Variants in PPP4R4 observed in about 807,000 individuals in gnomAD.
PPP4R4 encodes serine/threonine-protein phosphatase 4 regulatory subunit 4.
Under a neutral mutation model 121.8 loss-of-function variants are expected in PPP4R4, and 70 were observed. The observed-to-expected ratio is 0.57, with a 90% CI of 0.47 to 0.70. The LOEUF (loss-of-function observed/expected upper bound fraction) is 0.70, where lower values mean the gene tolerates loss of function less well. Among genes scored for constraint, PPP4R4 ranks in the 30% least tolerant of loss-of-function variants. The pLI, the probability that PPP4R4 is intolerant of heterozygous loss-of-function variation, is 0.00. For missense variants in PPP4R4, 875 were observed against 1,033.6 expected, an observed-to-expected ratio of 0.85 and a Z score of 2.10; for synonymous variants, 348 against 355.7, an observed-to-expected ratio of 0.98 and a Z score of 0.24.
intron 15 of PPP4R4, 134 bp from the exon 16 acceptor site, chr14:94,251,614 TC>T (rs1210727832): frequency 1.7e-6 from 1 of 595,482 alleles, no homozygotes; most frequent in African/African-American, 1.9e-5. Flanking sequence ...ATGATATTTT[TC>T]CTCTTATGTC....
intron 3 of PPP4R4, among the ~76,000 whole-genome samples, chr14:94,218,422 G>GCA (rs1192437104): frequency 2.5e-4 from 27 of 107,860 alleles, no homozygotes; most frequent in African/African-American, 6.9e-4. Context: ...CCTAGACACC[G>GCA]CACGCGCGCG....
At chr14:94,185,891 C>T (rs1420399602) in intron 2 of PPP4R4, among the ~76,000 whole-genome samples, 2 of 152,100 alleles carry the variant, frequency 1.3e-5, no homozygotes, top group Non-Finnish European at 2.9e-5. Context: ...GTAACTAGCA[C>T]AAAATATAGA....
rs753504389 is a variant in PPP4R4, at chr14:94,233,742, C to T, written c.606C>T (p.Asn202=). 2 of 1,575,186 alleles carry T rather than the reference C, an allele frequency of 1.3e-6. No homozygotes were observed. The highest frequency in any genetic ancestry group is 1.7e-6 in the Non-Finnish European group (2 of 1,146,854). The change falls in exon 6 of 25, where the codon AAC becomes AAT. Residue 202 remains asparagine, a synonymous_variant. Coordinates refer to ENST00000304338, the MANE Select transcript of PPP4R4 (RefSeq NM_058237.2). Reference sequence around the variant, plus strand: ...GTAAAATTTTAGGAAAATTGACCAACAAATTTGATGCCCACACGTGAGTAT... The same window carrying T: ...GTAAAATTTTAGGAAAATTGACCAATAAATTTGATGCCCACACGTGAGTAT... ...VSCKILGKLT[N]KFDAHTIKRE... is the part of the protein sequence containing the mutation.
chr14:94,219,306 C>T lies in PPP4R4; in HGVS notation c.294+10740C>T, dbSNP rs192768099. On this transcript the variant is annotated intron_variant, in intron 3 of 24. Transcript: ENST00000304338. ...GGCCAGGTTGGTCTTGAACTCCTGACCTCGGGTGATCTGCCCCCAAAAGTG... is the reference window on the plus strand; with the variant it reads ...GGCCAGGTTGGTCTTGAACTCCTGATCTCGGGTGATCTGCCCCCAAAAGTG... Among the ~76,000 whole-genome samples the T allele has an allele frequency of 5.4e-4, 82 of 152,054 alleles. 1 individual carries two copies. The highest frequency in any genetic ancestry group is 1.9e-3 in the African/African-American group (78 of 41,476).
intron 2 of PPP4R4, among the ~76,000 whole-genome samples, chr14:94,203,932 G>A (rs576224801): frequency 2.0e-5 from 3 of 152,132 alleles, no homozygotes; most frequent in Admixed American, 1.3e-4. Flanking sequence ...ATATGGTCTC[G>A]ACACTAGCCC....
At chr14:94,240,563 G>A in intron 8 of PPP4R4, 110 bp from the exon 9 acceptor site, 3 of 1,194,466 alleles carry the variant, frequency 2.5e-6, no homozygotes, top group Non-Finnish European at 3.4e-6. Context: ...CTATTACTAT[G>A]AGGCTAACAT....
At chr14:94,228,906 A>G (rs1891865517) in intron 3 of PPP4R4, among the ~76,000 whole-genome samples, 1 of 152,156 alleles carries the variant, frequency 6.6e-6, no homozygotes, top group African/African-American at 2.4e-5. Flanking sequence ...TAAGGAGGTG[A>G]CTTTCAGCTC....
At chr14:94,207,513 G>A (rs1436893847) in intron 2 of PPP4R4, among the ~76,000 whole-genome samples, 1 of 151,294 alleles carries the variant, frequency 6.6e-6, no homozygotes, top group Non-Finnish European at 1.5e-5. Flanking sequence ...TGTAAAACAT[G>A]TATTAAAGTC....
intron 2 of PPP4R4, among the ~76,000 whole-genome samples, chr14:94,178,220 T>A (rs1001426190): frequency 2.0e-5 from 3 of 152,168 alleles, no homozygotes; most frequent in Admixed American, 1.3e-4. Context: ...TAGATGTAAT[T>A]TATTCCTTTT....
chr14:94,257,563 T>C (rs1488154357), intron 17 of PPP4R4, among the ~76,000 whole-genome samples: 1 of 152,028 alleles, frequency 6.6e-6, no homozygotes, highest in Non-Finnish European at 1.5e-5. Flanking sequence ...AGTATAGTTT[T>C]AGTTTTAATG....
At chr14:94,192,353 A>G (rs542211772) in intron 2 of PPP4R4, among the ~76,000 whole-genome samples, 4 of 152,232 alleles carry the variant, frequency 2.6e-5, no homozygotes, top group South Asian at 2.1e-4. Flanking sequence ...GTGTCCCTCT[A>G]TCAGTCATCT....
intron 2 of PPP4R4, among the ~76,000 whole-genome samples, chr14:94,205,353 T>C (rs1426179482): frequency 1.3e-5 from 2 of 152,052 alleles, no homozygotes; most frequent in Non-Finnish European, 2.9e-5. Context: ...CATTCACTTA[T>C]TATCCTTTTG....
chr14:94,238,979 C>G (rs1892485823), intron 8 of PPP4R4, among the ~76,000 whole-genome samples: 3 of 152,146 alleles, frequency 2.0e-5, no homozygotes, highest in African/African-American at 7.2e-5. Context: ...TTGATCTTTT[C>G]TCTTTTACTG....
intron 2 of PPP4R4, among the ~76,000 whole-genome samples, chr14:94,191,736 G>A (rs1157757939): frequency 6.6e-6 from 1 of 152,092 alleles, no homozygotes; most frequent in Non-Finnish European, 1.5e-5. Context: ...TTTTGACATG[G>A]CATTGATAAT....
At chr14:94,221,983 A>G (rs1029963229) in intron 3 of PPP4R4, among the ~76,000 whole-genome samples, 1 of 152,086 alleles carries the variant, frequency 6.6e-6, no homozygotes, top group Non-Finnish European at 1.5e-5. Context: ...CAATTGTGGT[A>G]TAACCATTCA....
At chr14:94,189,038 G>C (rs1889451403) in intron 2 of PPP4R4, among the ~76,000 whole-genome samples, 1 of 152,036 alleles carries the variant, frequency 6.6e-6, no homozygotes, top group Non-Finnish European at 1.5e-5. Context: ...ATTACCATAA[G>C]AGAAATCAGG....
intron 2 of PPP4R4, among the ~76,000 whole-genome samples, chr14:94,200,179 G>A (rs1156932954): frequency 6.6e-6 from 1 of 151,974 alleles, no homozygotes; most frequent in African/African-American, 2.4e-5. Flanking sequence ...TATAAAAGTA[G>A]AGATACTTTT....
At chr14:94,177,593 C>G (rs1888748008) in intron 2 of PPP4R4, among the ~76,000 whole-genome samples, 1 of 152,116 alleles carries the variant, frequency 6.6e-6, no homozygotes, top group Admixed American at 6.5e-5. Flanking sequence ...CCTGTTTATT[C>G]CTACTGAATT....
intron 3 of PPP4R4, among the ~76,000 whole-genome samples, chr14:94,222,767 G>T (rs1032127524): frequency 1.5e-4 from 22 of 151,710 alleles, no homozygotes; most frequent in Non-Finnish European, 1.2e-4. Context: ...ATGGCTTTTT[G>T]ACTCTGTGGC....
Sources: allele counts gnomAD v4.1 joint callset (sites outside exome capture counted in the v4.1 genomes callset), GRCh38; gene constraint gnomAD v4.1.1; transcripts MANE v1.5; gene names NCBI Gene and HGNC (gene_info 2026-07-23, HGNC 2026-07-21).